Variants in GRM1 observed in about 807,000 individuals in gnomAD.
GRM1 encodes the protein metabotropic glutamate receptor 1.
GRM1 carries 33 observed loss-of-function variants against 90.9 expected under a neutral mutation model. The observed-to-expected ratio is 0.36, with a 90% confidence interval of 0.28 to 0.49. The LOEUF (loss-of-function observed/expected upper bound fraction) is 0.49. GRM1 is among the 20% of genes least tolerant of loss of function. The pLI is 0.99. For missense variants in GRM1, 1,190 were observed against 1,534.3 expected, an observed-to-expected ratio of 0.78 and a Z score of 3.75; for synonymous variants, 700 against 613.2, an observed-to-expected ratio of 1.14 and a Z score of -2.09.
chr6:146,319,902 A>G (rs1326951814), intron 3 of GRM1, among the ~76,000 whole-genome samples: 1 of 152,164 alleles, frequency 6.6e-6, no homozygotes, highest in Non-Finnish European at 1.5e-5. Flanking sequence ...CAATCATGTC[A>G]TCTGCAAACA....
chr6:146,084,674 G>A (rs1425081807), intron 1 of GRM1, among the ~76,000 whole-genome samples: 1 of 152,158 alleles, frequency 6.6e-6, no homozygotes, highest in Non-Finnish European at 1.5e-5. Flanking sequence ...GTCAATTTTA[G>A]AATAAGTGCC....
intron 1 of GRM1, among the ~76,000 whole-genome samples, chr6:146,139,245 TC>T (rs1302208332): frequency 6.6e-5 from 10 of 152,218 alleles, no homozygotes; most frequent in Admixed American, 2.6e-4. Flanking sequence ...ATATGGCCTA[TC>T]CTTGAGAATT....
At chr6:146,424,331 AT>A (rs1778118216) in intron 7 of GRM1, among the ~76,000 whole-genome samples, 1 of 152,186 alleles carries the variant, frequency 6.6e-6, no homozygotes, top group Non-Finnish European at 1.5e-5. Flanking sequence ...GTCGGGACTT[AT>A]GCCCAACCCC....
chr6:146,282,405 T>G (rs1160200040), intron 2 of GRM1, among the ~76,000 whole-genome samples: 1 of 152,156 alleles, frequency 6.6e-6, no homozygotes, highest in Non-Finnish European at 1.5e-5. Flanking sequence ...GGAACCTGTT[T>G]GGGTCACTGC....
chr6:146,131,354 G>T (rs1015724311), intron 1 of GRM1, among the ~76,000 whole-genome samples: 1 of 151,910 alleles, frequency 6.6e-6, no homozygotes, highest in South Asian at 2.1e-4. Flanking sequence ...TGGTAGAAAA[G>T]GTGTTATCCC....
intron 1 of GRM1, among the ~76,000 whole-genome samples, chr6:146,130,936 A>C (rs900131582): frequency 1.3e-5 from 2 of 152,134 alleles, no homozygotes; most frequent in Non-Finnish European, 2.9e-5. Flanking sequence ...CACCATCAGC[A>C]CTACTGATGA....
intron 1 of GRM1, among the ~76,000 whole-genome samples, chr6:146,099,127 T>G (rs943130203): frequency 2.0e-5 from 3 of 152,238 alleles, no homozygotes; most frequent in African/African-American, 7.2e-5. Context: ...GGCTCATGTC[T>G]GTAATCCCAG....
At chr6:146,351,117 G>A (rs763004212) in intron 3 of GRM1, among the ~76,000 whole-genome samples, 1 of 152,092 alleles carries the variant, frequency 6.6e-6, no homozygotes, top group South Asian at 2.1e-4. Context: ...ATATTTCTCT[G>A]CTAGTCTTAG....
intron 7 of GRM1, among the ~76,000 whole-genome samples, chr6:146,425,822 C>T (rs949763289): frequency 1.8e-5 from 2 of 110,238 alleles, no homozygotes; most frequent in Admixed American, 1.7e-4. Flanking sequence ...GGGAAATGCA[C>T]TTATCCTTAT....
At chr6:146,157,557 C>G (rs1275979770) in intron 1 of GRM1, among the ~76,000 whole-genome samples, 1 of 152,116 alleles carries the variant, frequency 6.6e-6, no homozygotes, top group Non-Finnish European at 1.5e-5. Flanking sequence ...ACTATTGTTG[C>G]TATAAACAGG....
chr6:146,433,769 A>C (rs1031796508), intron 7 of GRM1, 103 bp from the exon 8 acceptor site: 9 of 818,762 alleles, frequency 1.1e-5, no homozygotes, highest in Admixed American at 2.0e-5. Context: ...CAGCAGAGAC[A>C]GCAGTTAAAT....
At chr6:146,414,404 A>C (rs137931586) in intron 7 of GRM1, among the ~76,000 whole-genome samples, 1,927 of 148,662 alleles carry the variant, frequency 0.013, 52 homozygotes, top group African/African-American at 0.046. Context: ...TATTATTATT[A>C]TTTTTGTTGT....
At chr6:146,055,862 T>C (rs946970976) in intron 1 of GRM1, among the ~76,000 whole-genome samples, 6 of 152,140 alleles carry the variant, frequency 3.9e-5, no homozygotes, top group African/African-American at 1.4e-4. Context: ...TTTAGTGAAT[T>C]TTAATGAATT....
chr6:146,322,707 T>G (rs1443906034), intron 3 of GRM1, among the ~76,000 whole-genome samples: 1 of 152,024 alleles, frequency 6.6e-6, no homozygotes, highest in African/African-American at 2.4e-5. Flanking sequence ...ACCCATTAAC[T>G]CATCATTTAG....
rs999710125 is a variant in GRM1, at chr6:146,237,509, A to C, written c.951-67102A>C. 5.3e-5 allele frequency among the ~76,000 whole-genome samples: 8 copies of C among 152,032 alleles called. 1 individual carries two copies. The highest frequency in any genetic ancestry group is 5.2e-4 in the Admixed American group (8 of 15,246). On this transcript the variant is annotated intron_variant, in intron 2 of 7. Transcript: ENST00000282753. ...TTTTACAAATAGTTATTTGTAAAAT[A>C]TTTTTATGAATAATTGTTTATTTAT...
intron 7 of GRM1, among the ~76,000 whole-genome samples, chr6:146,415,238 C>T (rs1173249152): frequency 6.6e-6 from 1 of 152,112 alleles, no homozygotes; most frequent in African/African-American, 2.4e-5. Flanking sequence ...GGAAAACTCC[C>T]TGGGGTCTCT....
At chr6:146,266,336 A>G (rs770669294) in intron 2 of GRM1, among the ~76,000 whole-genome samples, 8 of 152,230 alleles carry the variant, frequency 5.3e-5, no homozygotes, top group Admixed American at 3.3e-4. Flanking sequence ...TATAACTTAA[A>G]TATAATTTAA....
chr6:146,086,988 A>G (rs180727445), intron 1 of GRM1, among the ~76,000 whole-genome samples: 20 of 152,226 alleles, frequency 1.3e-4, no homozygotes, highest in South Asian at 2.1e-4. Context: ...AAAAATTCCC[A>G]TGTCAAAGAG....
intron 5 of GRM1, among the ~76,000 whole-genome samples, chr6:146,384,189 G>C (rs1450947905): frequency 6.6e-6 from 1 of 152,104 alleles, no homozygotes; most frequent in Non-Finnish European, 1.5e-5. Flanking sequence ...CAAAAAAGGA[G>C]CCACAGAAAT....
Sources: gnomAD v4.1 joint callset for allele counts (sites outside exome capture counted in the v4.1 genomes callset) on GRCh38, gnomAD v4.1.1 for gene constraint, MANE v1.5 for transcripts, NCBI Gene and HGNC (gene_info 2026-07-23, HGNC 2026-07-21) for gene names.